The following NFIB variants were observed in gnomAD, a reference collection of about 807,000 sequenced individuals.
The protein encoded by NFIB is nuclear factor 1 B-type.
Under a neutral mutation model 61.5 loss-of-function variants are expected in NFIB, and 11 were observed. The observed-to-expected ratio is 0.18, with a 90% CI of 0.11 to 0.30. The LOEUF (loss-of-function observed/expected upper bound fraction) is 0.30. NFIB is among the 10% of genes least tolerant of loss of function. The probability of loss-of-function intolerance (pLI) is 1.00; values close to 1 mark genes in which losing one functional copy is unlikely to be tolerated. For missense variants in NFIB, 471 were observed against 608.9 expected (o/e 0.77, Z 2.38); for synonymous variants, 260 against 216.5 (o/e 1.20, Z -1.76).
chr9:14,406,579 A>G, the NFIB span, among the ~76,000 whole-genome samples: 1 of 152,188 alleles, frequency 6.6e-6, no homozygotes, highest in Non-Finnish European at 1.5e-5. Context: ...TTTGGCAACC[A>G]GAAGGATAGG....
At chr9:14,381,218 G>A (rs1588398369) in intron 1 of NFIB, among the ~76,000 whole-genome samples, 1 of 151,640 alleles carries the variant, frequency 6.6e-6, no homozygotes, top group East Asian at 2.0e-4. Flanking sequence ...TTGAGACAGA[G>A]TCTCCCTCTG....
chr9:14,475,752 A>G, the NFIB span, among the ~76,000 whole-genome samples: 10 of 152,288 alleles, frequency 6.6e-5, no homozygotes, highest in East Asian at 1.9e-3. Context: ...AGCTTTCCAA[A>G]GACCTCTTCT....
intron 3 of NFIB, among the ~76,000 whole-genome samples, chr9:14,158,074 G>A (rs1380344866): frequency 6.8e-6 from 1 of 146,196 alleles, no homozygotes; most frequent in East Asian, 2.0e-4. Flanking sequence ...TGGAGCCATT[G>A]CATTCCAGTC....
chr9:14,204,205 A>T (rs2049367913), intron 2 of NFIB: 1 of 536,910 alleles, frequency 1.9e-6, no homozygotes, highest in African/African-American at 1.9e-5. Flanking sequence ...AGGCCTCAAA[A>T]TTTGAGGAAT....
chr9:14,428,710 G>C, the NFIB span, among the ~76,000 whole-genome samples: 1 of 152,166 alleles, frequency 6.6e-6, no homozygotes, highest in Admixed American at 6.5e-5. Flanking sequence ...TTCAAATACA[G>C]TATATTCTTT....
intron 2 of NFIB, among the ~76,000 whole-genome samples, chr9:14,278,006 G>A (rs2058117581): frequency 6.6e-6 from 1 of 152,076 alleles, no homozygotes; most frequent in South Asian, 2.1e-4. Flanking sequence ...CTATGTCCCT[G>A]CCACCCTGCC....
chr9:14,310,952 T>A (rs1426955209), intron 1 of NFIB, among the ~76,000 whole-genome samples: 1 of 152,000 alleles, frequency 6.6e-6, no homozygotes, highest in African/African-American at 2.4e-5. Context: ...TAACAACAAA[T>A]CATGCAAAAA....
At chr9:14,375,656 T>A (rs1331013020) in intron 1 of NFIB, among the ~76,000 whole-genome samples, 1 of 149,944 alleles carries the variant, frequency 6.7e-6, no homozygotes, top group African/African-American at 2.5e-5. Context: ...AAAAACTCCA[T>A]CTCAAAAAAA....
the NFIB span, among the ~76,000 whole-genome samples, chr9:14,426,926 G>A: frequency 6.6e-6 from 1 of 152,144 alleles, no homozygotes; most frequent in Non-Finnish European, 1.5e-5. Flanking sequence ...GCAGAAATAT[G>A]AAGAAGATTC....
the NFIB span, among the ~76,000 whole-genome samples, chr9:14,441,794 C>T: frequency 6.6e-6 from 1 of 152,072 alleles, no homozygotes; most frequent in Non-Finnish European, 1.5e-5. Flanking sequence ...CCATCCCTAG[C>T]CATAGACACC....
rs139802166 is a variant in NFIB at position 14,112,882 on chromosome 9, G to C, written c.1467+117C>G. On this transcript the variant is annotated intron_variant, in intron 10 of 10. Coordinates refer to ENST00000380953, the MANE Select transcript of NFIB (RefSeq NM_001190737.2). ...AAAATTCTGGGAAATGAAATGATCA[G>C]TTTTGGTCTCAGAAGCCCCGGGAGC... 2.7e-4 allele frequency: 224 copies of C among 819,096 alleles called. 2 individuals are homozygous for C. The Middle Eastern group carries it at 3.2e-3, about 12-fold the overall frequency. 50.7% of individuals were successfully genotyped at this position (819,096 alleles called of 1,614,324 possible).
At chr9:14,156,673 G>C (rs2043450271) in intron 3 of NFIB, among the ~76,000 whole-genome samples, 1 of 152,068 alleles carries the variant, frequency 6.6e-6, no homozygotes, top group Non-Finnish European at 1.5e-5. Flanking sequence ...TCCAAAACTA[G>C]AGATGAGAAC....
intron 2 of NFIB, among the ~76,000 whole-genome samples, chr9:14,247,483 T>C (rs2055065486): frequency 6.6e-6 from 1 of 152,102 alleles, no homozygotes. Context: ...CACAGGAAAA[T>C]GTGCCAGTCA....
intron 4 of NFIB, among the ~76,000 whole-genome samples, chr9:14,151,184 T>C (rs181756491): frequency 3.9e-4 from 60 of 152,300 alleles, no homozygotes; most frequent in Admixed American, 3.9e-3. Context: ...CCTAGAATCA[T>C]GCCTAGTGTA....
chr9:14,474,237 T>C, the NFIB span, among the ~76,000 whole-genome samples: 2 of 152,130 alleles, frequency 1.3e-5, no homozygotes, highest in African/African-American at 2.4e-5. Flanking sequence ...AAGTCCTAGA[T>C]CAAAGTGCTG....
At chr9:14,176,071 A>G (rs932489650) in intron 3 of NFIB, among the ~76,000 whole-genome samples, 4 of 152,190 alleles carry the variant, frequency 2.6e-5, no homozygotes, top group Non-Finnish European at 5.9e-5. Flanking sequence ...ATTTCCAAAG[A>G]TTACCATCCA....
intron 3 of NFIB, among the ~76,000 whole-genome samples, chr9:14,178,686 TC>T (rs1398499380): frequency 6.6e-6 from 1 of 152,186 alleles, no homozygotes; most frequent in East Asian, 1.9e-4. Context: ...TACTTGTATA[TC>T]TACTTGCTGT....
chr9:14,213,387 C>T (rs73413897), intron 2 of NFIB, among the ~76,000 whole-genome samples: 14,033 of 152,184 alleles, frequency 0.092, 2,164 homozygotes, highest in African/African-American at 0.32. Context: ...TCAGGTCCAC[C>T]ATCCATTCTC....
At position 14,370,885 on chromosome 9, in the gene NFIB, G is replaced by A. The variant is rs563042129; in HGVS notation, c.108+27639C>T. ...CGAGGCGGGTGGATCACTTGAGGTCGGGAGTTCAAGACCAGCCTGGCCAAC... is the reference window on the plus strand; with the variant it reads ...CGAGGCGGGTGGATCACTTGAGGTCAGGAGTTCAAGACCAGCCTGGCCAAC... On this transcript the variant is annotated intron_variant, in intron 1 of 8. Coordinates refer to the NFIB transcript ENST00000380934. Among the ~76,000 whole-genome samples, 23 of 152,170 alleles carry A rather than the reference G, an allele frequency of 1.5e-4. No homozygotes were observed. In the South Asian group the frequency reaches 4.2e-3, roughly 27 times the overall value.
Sources: gnomAD v4.1 joint callset for allele counts (sites outside exome capture counted in the v4.1 genomes callset) on GRCh38, gnomAD v4.1.1 for gene constraint, MANE v1.5 for transcripts, NCBI Gene and HGNC (gene_info 2026-07-23, HGNC 2026-07-21) for gene names.